IQCM: variants seen among roughly 807,000 people sequenced by gnomAD.
IQCM encodes the protein IQ domain-containing protein M.
In IQCM, 45 loss-of-function variants were observed where a neutral mutation model predicts 57.6. The observed-to-expected ratio is 0.78, with a 90% CI of 0.62 to 1.00. The LOEUF (loss-of-function observed/expected upper bound fraction) is 1.00, where lower values mean the gene tolerates loss of function less well. IQCM is among the 50% of genes least tolerant of loss of function. The pLI is 0.00. For synonymous variants in IQCM, 148 were observed against 158.9 expected, an observed-to-expected ratio of 0.93 and a Z score of 0.51; for missense variants, 468 against 511.6, an observed-to-expected ratio of 0.91 and a Z score of 0.82.
At chr4:149,617,928 T>C (rs1477133081) in intron 8 of IQCM, among the ~76,000 whole-genome samples, 9 of 152,216 alleles carry the variant, frequency 5.9e-5, no homozygotes, top group Admixed American at 4.6e-4. Flanking sequence ...ATGATCATAC[T>C]GCCCAAGGCA....
intron 6 of IQCM, among the ~76,000 whole-genome samples, chr4:149,683,036 C>T (rs1762296108): frequency 1.3e-5 from 2 of 151,100 alleles, no homozygotes; most frequent in Non-Finnish European, 3.0e-5. Context: ...TATTATTTTG[C>T]ACTAATATAT....
intron 13 of IQCM, among the ~76,000 whole-genome samples, chr4:149,386,059 G>A (rs886609871): frequency 3.9e-5 from 6 of 151,976 alleles, no homozygotes; most frequent in Non-Finnish European, 7.4e-5. Context: ...ACCTCTTAAA[G>A]AAAAGTCGTA....
rs12639688 is a variant in IQCM, at chr4:149,779,736, G to A, written c.-49+35575C>T. Among the ~76,000 whole-genome samples the A allele has an allele frequency of 2.6e-3, 396 of 152,284 alleles. 2 individuals are homozygous for A. The East Asian group carries it at 0.033, about 13-fold the overall frequency. On this transcript the variant is annotated intron_variant, in intron 2 of 13. Transcript: ENST00000636793. ...GCAATTGGTAAAAGGTTCTGGTACA[G>A]AGTCTCCAAATATGCATTTGATTTT...
chr4:149,547,668 C>T (rs1171974680), intron 12 of IQCM, among the ~76,000 whole-genome samples: 2 of 152,168 alleles, frequency 1.3e-5, no homozygotes, highest in Admixed American at 6.5e-5. Context: ...CTCACACTTA[C>T]ATACACAAAC....
chr4:149,509,222 G>C (rs1475699096), intron 12 of IQCM, among the ~76,000 whole-genome samples: 1 of 152,106 alleles, frequency 6.6e-6, no homozygotes, highest in Non-Finnish European at 1.5e-5. Context: ...GAGGCAATTT[G>C]AACTGTTTGG....
chr4:149,679,456 G>A (rs1476732029), intron 7 of IQCM, among the ~76,000 whole-genome samples: 2 of 151,572 alleles, frequency 1.3e-5, no homozygotes, highest in African/African-American at 4.8e-5. Context: ...AGATAGATCA[G>A]CAGGGTAACT....
intron 5 of IQCM, among the ~76,000 whole-genome samples, chr4:149,711,427 A>G (rs1764550821): frequency 6.6e-6 from 1 of 152,182 alleles, no homozygotes. Context: ...CAATTTCAGC[A>G]TGTCTCTGAG....
At chr4:149,607,986 G>A (rs1754946634) in intron 8 of IQCM, among the ~76,000 whole-genome samples, 1 of 151,674 alleles carries the variant, frequency 6.6e-6, no homozygotes, top group African/African-American at 2.4e-5. Context: ...GCAGCTGAAT[G>A]GATTTAAAAA....
rs1417230433 is a variant in IQCM, at chr4:149,735,423, G to T, written c.73C>A (p.Gln25Lys). 42 of 1,226,930 alleles carry T rather than the reference G, an allele frequency of 3.4e-5. No individual in the cohort carries two copies. The highest frequency in any genetic ancestry group is 4.3e-5 in the Non-Finnish European group (42 of 983,654). 76.0% of individuals were successfully genotyped at this position (1,226,930 alleles called of 1,614,324 possible). The change falls in exon 4 of 14, where the codon CAA becomes AAA. Residue 25 changes from glutamine to lysine, a missense_variant. Physicochemically the swap from Gln to Lys is moderately conservative, Grantham distance 53. Transcript: ENST00000636793. ...TLEITKQDFF[Q>K]EAKTLIAQHY... ...TGGGCAATGAGAGTTTTTGCTTCTT[G>T]AAAAAAGTCTTGCTTGGTGATCTCT...
chr4:149,580,799 G>A (rs1752108452), intron 9 of IQCM, among the ~76,000 whole-genome samples: 1 of 151,716 alleles, frequency 6.6e-6, no homozygotes, highest in Non-Finnish European at 1.5e-5. Flanking sequence ...TCTAACTTGA[G>A]ATGAGAACTA....
chr4:149,386,371 T>G (rs1374064648), intron 13 of IQCM, among the ~76,000 whole-genome samples: 2 of 152,088 alleles, frequency 1.3e-5, no homozygotes, highest in East Asian at 3.9e-4. Context: ...ACAAACTCCA[T>G]GTACTTATTA....
intron 5 of IQCM, among the ~76,000 whole-genome samples, chr4:149,699,574 C>A (rs990137535): frequency 2.6e-5 from 4 of 151,398 alleles, no homozygotes; most frequent in Non-Finnish European, 5.9e-5. Flanking sequence ...GATCTTCCCC[C>A]TAAAAAAAGT....
chr4:149,787,194 T>C (rs1772151682), intron 2 of IQCM, among the ~76,000 whole-genome samples: 2 of 151,642 alleles, frequency 1.3e-5, no homozygotes, highest in Non-Finnish European at 2.9e-5. Context: ...GGTGGGAACT[T>C]AGAGGACAGG....
At chr4:149,457,033 T>C (rs923554885) in intron 12 of IQCM, among the ~76,000 whole-genome samples, 3 of 152,108 alleles carry the variant, frequency 2.0e-5, no homozygotes, top group Admixed American at 1.3e-4. Context: ...ATTTGCTGAA[T>C]GTTCCACAAC....
At chr4:149,426,011 C>T (rs1199289147) in intron 13 of IQCM, among the ~76,000 whole-genome samples, 2 of 151,818 alleles carry the variant, frequency 1.3e-5, no homozygotes, top group African/African-American at 2.4e-5. Flanking sequence ...ACATGCAATC[C>T]CTATTGTTTT....
At chr4:149,594,437 T>C (rs941614577) in intron 8 of IQCM, among the ~76,000 whole-genome samples, 4 of 152,178 alleles carry the variant, frequency 2.6e-5, no homozygotes, top group African/African-American at 4.8e-5. Context: ...TTTGAAGGGC[T>C]TTTGTGTCTC....
intron 13 of IQCM, among the ~76,000 whole-genome samples, chr4:149,411,467 C>T (rs576520899): frequency 6.6e-6 from 1 of 152,030 alleles, no homozygotes; most frequent in Non-Finnish European, 1.5e-5. Context: ...TATGTATTAA[C>T]TAATTTGTAT....
At chr4:149,790,519 T>C (rs1039159146) in intron 2 of IQCM, among the ~76,000 whole-genome samples, 2 of 152,226 alleles carry the variant, frequency 1.3e-5, no homozygotes, top group Non-Finnish European at 2.9e-5. Flanking sequence ...CCTGTATTAA[T>C]ACCAGTGGCC....
chr4:149,652,631 A>T (rs930455196), intron 7 of IQCM, among the ~76,000 whole-genome samples: 5 of 152,088 alleles, frequency 3.3e-5, no homozygotes, highest in African/African-American at 1.2e-4. Flanking sequence ...TAAAGTAGCA[A>T]AGAAAAAAAA....
Sources: gnomAD v4.1 joint callset for allele counts (sites outside exome capture counted in the v4.1 genomes callset) on GRCh38, gnomAD v4.1.1 for gene constraint, MANE v1.5 for transcripts, NCBI Gene and HGNC (gene_info 2026-07-23, HGNC 2026-07-21) for gene names.